Variants in RAP1GAP2 observed in about 807,000 individuals in gnomAD.
The protein encoded by RAP1GAP2 is rap1 GTPase-activating protein 2.
A neutral mutation model predicts 95.0 loss-of-function variants in RAP1GAP2; 27 were observed. That is an observed-to-expected ratio of 0.28 (90% confidence interval 0.21 to 0.39). The LOEUF is 0.39. Ranked by LOEUF, RAP1GAP2 falls within the 10% of genes least tolerant of loss-of-function variation. The pLI, the probability that RAP1GAP2 is intolerant of heterozygous loss-of-function variation, is 1.00. For missense variants in RAP1GAP2, 771 were observed against 970.0 expected (o/e 0.79, Z 2.72); for synonymous variants, 373 against 380.9 (o/e 0.98, Z 0.24).
At chr17:2,785,636 G>A (rs1040562679) in intron 1 of RAP1GAP2, among the ~76,000 whole-genome samples, 9 of 152,258 alleles carry the variant, frequency 5.9e-5, no homozygotes, top group South Asian at 2.1e-4. Flanking sequence ...ACCTTTTCAC[G>A]TGGACCCCTT....
At chr17:2,775,900 C>A (rs147261217), upstream of RAP1GAP2, among the ~76,000 whole-genome samples, 123 of 152,254 alleles carry the variant, frequency 8.1e-4, no homozygotes, top group African/African-American at 2.8e-3. Context: ...AGTTCCAGGC[C>A]GAGCGCGGTG....
Position 3,034,991 on chromosome 17 carries a change from T to TTG in RAP1GAP2, c.*1631_*1632insGT, listed in dbSNP as rs1185142162. On this transcript the variant is annotated 3_prime_UTR_variant, in exon 25 of 25. Coordinates refer to ENST00000254695, the MANE Select transcript of RAP1GAP2 (RefSeq NM_015085.5). This position sits in a 1 kb window ranked among gnomAD's most constrained non-coding sequence, Gnocchi z 5.1. ...TAAATACTACACTTTTTTTTTTTTT[T>TTG]TTTAACTGACATTGTGAAATTCTCC... 1 of 152,014 alleles carries TTG rather than the reference T, an allele frequency of 6.6e-6. No homozygotes were observed. The highest frequency in any genetic ancestry group is 2.4e-5 in the African/African-American group (1 of 41,374). 9.4% of individuals were successfully genotyped at this position (152,014 alleles called of 1,614,324 possible).
At chr17:2,898,854 T>G (rs1264783794) in intron 2 of RAP1GAP2, among the ~76,000 whole-genome samples, 3 of 145,720 alleles carry the variant, frequency 2.1e-5, no homozygotes, top group Non-Finnish European at 4.5e-5. Flanking sequence ...AGTCACACCG[T>G]TTTACAGATG....
intron 2 of RAP1GAP2, among the ~76,000 whole-genome samples, chr17:2,851,249 T>C (rs2071834843): frequency 6.6e-6 from 1 of 152,190 alleles, no homozygotes; most frequent in African/African-American, 2.4e-5. Flanking sequence ...TGGAGTGTGT[T>C]AACCCTGTTT....
intron 2 of RAP1GAP2, among the ~76,000 whole-genome samples, chr17:2,893,779 C>T (rs997657357): frequency 2.0e-5 from 3 of 151,700 alleles, no homozygotes; most frequent in Admixed American, 6.6e-5. Flanking sequence ...ACTGCTCTGT[C>T]GGCAGTTTCT....
Position 3,007,999 on chromosome 17 carries a change from C to G in RAP1GAP2, c.1360-12C>G. 1 of 1,613,172 alleles carries G rather than the reference C, an allele frequency of 6.2e-7. No homozygotes were observed. The highest frequency in any genetic ancestry group is 8.5e-7 in the Non-Finnish European group (1 of 1,179,370). On this transcript the variant is annotated splice_polypyrimidine_tract_variant and intron_variant, in intron 16 of 24. Coordinates refer to ENST00000254695, the MANE Select transcript of RAP1GAP2 (RefSeq NM_015085.5). ...GAGCCAGCTTCTCCATCCCCACCCT[C>G]TTCCCTTCTAGGACCGGACCAGGGC...
chr17:2,868,191 C>G (rs1297221978), intron 2 of RAP1GAP2, among the ~76,000 whole-genome samples: 2 of 152,144 alleles, frequency 1.3e-5, no homozygotes, highest in African/African-American at 4.8e-5. Flanking sequence ...TCCTTCCAGA[C>G]GTCTGGCCAG....
chr17:2,817,474 G>C lies in RAP1GAP2; in HGVS notation c.80+16924G>C, dbSNP rs75921977. 1.7e-5 allele frequency among the ~76,000 whole-genome samples: 2 copies of C among 119,504 alleles called. 1 individual carries two copies. The highest frequency in any genetic ancestry group is 4.0e-5 in the Non-Finnish European group (2 of 50,026). 78.4% of individuals were successfully genotyped at this position (119,504 alleles called of 152,430 possible). ...TGGGTCTCTGTTTTCAGTTCTTTTG[G>C]GTATCTATTTAGGAGCAGAATTGCT... is the stretch of plus-strand genomic sequence containing the variant. On this transcript the variant is annotated intron_variant, in intron 2 of 24. Coordinates refer to ENST00000254695, the MANE Select transcript of RAP1GAP2 (RefSeq NM_015085.5).
intron 2 of RAP1GAP2, among the ~76,000 whole-genome samples, chr17:2,854,679 C>A (rs917370920): frequency 2.6e-5 from 4 of 152,216 alleles, no homozygotes. Context: ...TTTTCTTTAG[C>A]TATTTCAGAG....
chr17:2,936,061 C>A (rs972424729), intron 3 of RAP1GAP2, among the ~76,000 whole-genome samples: 1 of 151,514 alleles, frequency 6.6e-6, no homozygotes, highest in African/African-American at 2.4e-5. Context: ...GCCATCTCCT[C>A]TCCCTGTCTC....
At position 2,980,359 on chromosome 17, in the gene RAP1GAP2, T is replaced by G. The variant is rs371114680; in HGVS notation, c.669T>G (p.Ile223Met). Reference protein sequence around the residue: ...GLSKLPSVPQIAKAFCDDAVG... With the variant: ...GLSKLPSVPQMAKAFCDDAVG... ...GCAAGCTTCCCAGTGTCCCTCAGAT[T>G]GCAAAGGTGAGAAACCAACCCGTGA... Residue 223 changes from isoleucine to methionine, a missense_variant, in exon 9 of 25, where the codon ATT (isoleucine) becomes ATG (methionine). Transcript: ENST00000254695. 1 of 1,613,760 alleles carries G rather than the reference T, an allele frequency of 6.2e-7. No homozygotes were observed. Among genetic ancestry groups the G allele is most frequent in the African/African-American group, 1.3e-5 (1 of 74,908 alleles).
At chr17:2,966,644 A>T (rs2044611574) in intron 8 of RAP1GAP2, among the ~76,000 whole-genome samples, 2 of 152,194 alleles carry the variant, frequency 1.3e-5, no homozygotes, top group African/African-American at 4.8e-5. Flanking sequence ...GTTTCTTATC[A>T]AGAAAGGAAG....
rs1444435495 is a variant in RAP1GAP2, at chr17:3,004,103, C to CCCCACCCCTTCTG, written c.1201-1257_1201-1256insTCTGCCCACCCCT. On this transcript the variant is annotated intron_variant, in intron 14 of 24. Transcript: ENST00000254695. This position sits in a 1 kb window ranked among gnomAD's most constrained non-coding sequence, Gnocchi z 4.1. The stretch of plus-strand genomic sequence containing the variant: ...CAGTCTCCCCATAGCCTTCCCACAC[C>CCCCACCCCTTCTG]CCCACCCCTGATTCTGGCTCTGTGA... Among the ~76,000 whole-genome samples, 20 of 152,272 alleles carry CCCCACCCCTTCTG rather than the reference C, an allele frequency of 1.3e-4. No individual in the cohort carries two copies. The South Asian group carries it at 4.2e-3, about 32-fold the overall frequency.
intron 8 of RAP1GAP2, among the ~76,000 whole-genome samples, chr17:2,977,239 T>A (rs2045161958): frequency 6.6e-6 from 1 of 152,086 alleles, no homozygotes; most frequent in Admixed American, 6.5e-5. Flanking sequence ...AAAACAACTT[T>A]GTATCAATGT....
chr17:3,008,253 G>C lies in RAP1GAP2; in HGVS notation c.1494+108G>C. ...GATCCCAGAGCCCAAGGGCCAGCTGGAGGGGTGACAGGAAACGTATGGGTA... is the reference window on the plus strand; with the variant it reads ...GATCCCAGAGCCCAAGGGCCAGCTGCAGGGGTGACAGGAAACGTATGGGTA... On this transcript the variant is annotated intron_variant, in intron 17 of 24. Coordinates refer to ENST00000254695, the MANE Select transcript of RAP1GAP2 (RefSeq NM_015085.5). This position sits in a 1 kb window ranked among gnomAD's most constrained non-coding sequence, Gnocchi z 4.2. The C allele has an allele frequency of 6.7e-7, 1 of 1,503,158 alleles. No individual in the cohort carries two copies. The highest frequency in any genetic ancestry group is 1.3e-5 in the South Asian group (1 of 79,530). The allele number at this position is 1,503,158 out of a possible 1,614,324, so 93.1% of individuals were successfully genotyped here.
At chr17:2,927,205 G>A (rs1364966559) in intron 3 of RAP1GAP2, among the ~76,000 whole-genome samples, 1 of 151,016 alleles carries the variant, frequency 6.6e-6, no homozygotes. Flanking sequence ...CCAGGCTGGA[G>A]TGCAGTGGCG....
At chr17:2,892,553 C>G (rs2073759472) in intron 2 of RAP1GAP2, among the ~76,000 whole-genome samples, 1 of 152,078 alleles carries the variant, frequency 6.6e-6, no homozygotes, top group Non-Finnish European at 1.5e-5. Context: ...CTGAGATGCC[C>G]AAGGTGGTTT....
chr17:2,996,970 A>G (rs1191899741), intron 13 of RAP1GAP2, among the ~76,000 whole-genome samples: 1 of 152,214 alleles, frequency 6.6e-6, no homozygotes, highest in Admixed American at 6.5e-5. Flanking sequence ...CTCGACATAC[A>G]GGAGCGGGTT....
chr17:2,921,732 T>TCCG (rs1236908954), intron 3 of RAP1GAP2, among the ~76,000 whole-genome samples: 2 of 151,708 alleles, frequency 1.3e-5, no homozygotes, highest in East Asian at 1.9e-4. Context: ...CGTTAAGGTG[T>TCCG]CAGCAGGACC....
Sources: allele counts gnomAD v4.1 joint callset (sites outside exome capture counted in the v4.1 genomes callset), GRCh38; gene constraint gnomAD v4.1.1; non-coding constraint Gnocchi (gnomAD v3.1); transcripts MANE v1.5; gene names NCBI Gene and HGNC (gene_info 2026-07-23, HGNC 2026-07-21).